The following TRPM3 variants were observed in gnomAD, a reference collection of about 807,000 sequenced individuals.
The protein encoded by TRPM3 is long transient receptor potential channel 3.
Under a neutral mutation model 181.2 loss-of-function variants are expected in TRPM3, and 77 were observed. That is an observed-to-expected ratio of 0.42 (90% CI 0.35 to 0.51). The LOEUF (loss-of-function observed/expected upper bound fraction) is 0.51. TRPM3 is among the 20% of genes least tolerant of loss of function. The pLI is 0.01. For missense variants in TRPM3, 1,759 were observed against 2,196.7 expected (o/e 0.80, Z 3.98); for synonymous variants, 745 against 796.4 (o/e 0.94, Z 1.09).
intron 3 of TRPM3, among the ~76,000 whole-genome samples, chr9:70,848,431 T>C (rs2095073476): frequency 6.6e-6 from 1 of 152,056 alleles, no homozygotes; most frequent in Non-Finnish European, 1.5e-5. Context: ...GGAAGAAATA[T>C]TGGCTGAGTA....
At chr9:70,592,233 C>T (rs2058244158) in intron 21 of TRPM3, among the ~76,000 whole-genome samples, 2 of 152,134 alleles carry the variant, frequency 1.3e-5, no homozygotes, top group South Asian at 4.1e-4. Flanking sequence ...TTCCAGGCTA[C>T]GTTAAATATG....
chr9:70,609,285 A>AAATAAT (rs2061668323), intron 19 of TRPM3, among the ~76,000 whole-genome samples: 1 of 152,236 alleles, frequency 6.6e-6, no homozygotes. Flanking sequence ...GCAAGGTTAA[A>AAATAAT]AATAATATAG....
At chr9:71,403,888 C>T (rs2093388227) in intron 1 of TRPM3, among the ~76,000 whole-genome samples, 1 of 151,304 alleles carries the variant, frequency 6.6e-6, no homozygotes, top group Non-Finnish European at 1.5e-5. Context: ...AGGAATCAAA[C>T]TTAAATTCAG....
chr9:71,296,063 AAAATACTAAG>A (rs1243082580), intron 1 of TRPM3, among the ~76,000 whole-genome samples: 2 of 152,102 alleles, frequency 1.3e-5, no homozygotes, highest in Admixed American at 6.6e-5. Context: ...AAATGGTACA[AAAATACTAAG>A]AAATACTAAG....
intron 12 of TRPM3, among the ~76,000 whole-genome samples, chr9:70,627,995 G>T (rs553163762): frequency 6.6e-6 from 1 of 152,308 alleles, no homozygotes; most frequent in East Asian, 1.9e-4. Context: ...GGAGCTCAGA[G>T]AAAGTTTTAA....
intron 1 of TRPM3, among the ~76,000 whole-genome samples, chr9:71,015,997 C>T (rs965384459): frequency 1.3e-5 from 2 of 151,892 alleles, no homozygotes; most frequent in South Asian, 2.1e-4. Context: ...GAGATTGAGG[C>T]CATCCTGTTC....
chr9:71,225,434 C>T, intron 1 of TRPM3, among the ~76,000 whole-genome samples: 1 of 151,910 alleles, frequency 6.6e-6, no homozygotes, highest in African/African-American at 2.4e-5. Flanking sequence ...CAAACAAAAG[C>T]TAATGGATTC....
At chr9:70,993,659 T>C (rs945924158) in intron 1 of TRPM3, among the ~76,000 whole-genome samples, 10 of 152,004 alleles carry the variant, frequency 6.6e-5, no homozygotes, top group African/African-American at 2.2e-4. Flanking sequence ...AGATGGTCTT[T>C]GACACCAAGG....
chr9:70,655,329 A>AAAAAAAAAAAAAAAAAAAAAAAAAAAAT, intron 9 of TRPM3, among the ~76,000 whole-genome samples: 1 of 149,232 alleles, frequency 6.7e-6, no homozygotes, highest in South Asian at 2.1e-4. Context: ...AAAAAAAAAA[A>AAAAAAAAAAAAAAAAAAAAAAAAAAAAT]AGAAAAAGAA....
intron 8 of TRPM3, among the ~76,000 whole-genome samples, chr9:70,682,152 C>T (rs1251530285): frequency 6.6e-6 from 1 of 152,082 alleles, no homozygotes; most frequent in Non-Finnish European, 1.5e-5. Context: ...ACTAAGACAG[C>T]CTGCTCCCCC....
chr9:71,365,257 A>C (rs2092296778), intron 1 of TRPM3, among the ~76,000 whole-genome samples: 1 of 152,224 alleles, frequency 6.6e-6, no homozygotes, highest in African/African-American at 2.4e-5. Flanking sequence ...AAAGCACATA[A>C]TAGCATGTTT....
chr9:71,285,487 T>A (rs2085206410), intron 1 of TRPM3, among the ~76,000 whole-genome samples: 1 of 152,000 alleles, frequency 6.6e-6, no homozygotes, highest in Non-Finnish European at 1.5e-5. Flanking sequence ...ATCGAGAGAC[T>A]GATGTGGCAG....
intron 1 of TRPM3, among the ~76,000 whole-genome samples, chr9:71,348,616 C>T (rs2091430317): frequency 6.6e-6 from 1 of 151,776 alleles, no homozygotes; most frequent in East Asian, 1.9e-4. Flanking sequence ...GTCACCTAGG[C>T]TGGAGTGCAG....
At chr9:71,392,944 T>C (rs1474971731) in intron 1 of TRPM3, among the ~76,000 whole-genome samples, 1 of 152,156 alleles carries the variant, frequency 6.6e-6, no homozygotes, top group Non-Finnish European at 1.5e-5. Flanking sequence ...GGTAGGAATA[T>C]AGAACAATGT....
chr9:70,856,954 C>T (rs1205702280), intron 3 of TRPM3, among the ~76,000 whole-genome samples: 1 of 152,138 alleles, frequency 6.6e-6, no homozygotes, highest in Non-Finnish European at 1.5e-5. Context: ...ACACTGCTTC[C>T]TTTCCTAAAT....
At chr9:70,550,276 C>T (rs1364702200) in intron 24 of TRPM3, among the ~76,000 whole-genome samples, 1 of 152,140 alleles carries the variant, frequency 6.6e-6, no homozygotes, top group African/African-American at 2.4e-5. Flanking sequence ...CTTCTTTCTA[C>T]AGTTTTTCAC....
chr9:71,122,938 T>C (rs1369352979), upstream of TRPM3, among the ~76,000 whole-genome samples: 1 of 152,230 alleles, frequency 6.6e-6, no homozygotes, highest in Non-Finnish European at 1.5e-5. Flanking sequence ...GAAGGCAGTA[T>C]TAAAATAATA....
In TRPM3 at chr9:70,537,139, T is replaced by G; in HGVS notation, c.3974A>C (p.Glu1325Ala). ...SQEGNTFKLQESIDPAGEETM... is the reference protein window; with the variant it reads ...SQEGNTFKLQASIDPAGEETM... ...CTCCTCACCTGCAGGGTCTATACTC[T>G]CTTGGAGCTTGAAGGTGTTCCCTTC... Residue 1325 changes from glutamate (E) to alanine (A), a missense_variant, in exon 26 of 26, where the codon GAG (glutamate) becomes GCG (alanine). Physicochemically the swap from Glu to Ala is moderately radical, Grantham distance 107. Transcript: ENST00000677713. The G allele has an allele frequency of 6.3e-7, 1 of 1,594,394 alleles. No homozygotes were observed. Among genetic ancestry groups the G allele is most frequent in the Non-Finnish European group, 8.6e-7 (1 of 1,165,258 alleles).
intron 1 of TRPM3, among the ~76,000 whole-genome samples, chr9:71,257,822 A>T (rs1193395037): frequency 6.6e-6 from 1 of 152,192 alleles, no homozygotes; most frequent in African/African-American, 2.4e-5. Context: ...ATATCCCTCC[A>T]TTATAGCTGA....
Sources: allele counts gnomAD v4.1 joint callset (sites outside exome capture counted in the v4.1 genomes callset), GRCh38; gene constraint gnomAD v4.1.1; transcripts MANE v1.5; gene names NCBI Gene and HGNC (gene_info 2026-07-23, HGNC 2026-07-21).